PNPLA8: variants seen among roughly 807,000 people sequenced by gnomAD.
PNPLA8 encodes calcium-independent phospholipase A2-gamma.
Under a neutral mutation model 76.9 loss-of-function variants are expected in PNPLA8, and 39 were observed. The ratio of observed to expected loss-of-function variants is 0.51; its 90% CI spans 0.39 to 0.66. PNPLA8 has a LOEUF of 0.66. Among genes scored for constraint, PNPLA8 ranks in the 30% least tolerant of loss-of-function variants. The probability of loss-of-function intolerance (pLI) is 0.00; values close to 1 mark genes in which losing one functional copy is unlikely to be tolerated. For missense variants in PNPLA8, 887 were observed against 918.0 expected, an observed-to-expected ratio of 0.97 and a Z score of 0.44; for synonymous variants, 301 against 307.9, an observed-to-expected ratio of 0.98 and a Z score of 0.24.
intron 4 of PNPLA8, among the ~76,000 whole-genome samples, chr7:108,504,316 T>C (rs1598929177): frequency 6.6e-6 from 1 of 152,156 alleles, no homozygotes; most frequent in East Asian, 1.9e-4. Context: ...AGAATTGATG[T>C]TCATATTAGA....
chr7:108,471,994 T>G lies in PNPLA8; in HGVS notation c.*407A>C, dbSNP rs1200245284. On this transcript the variant is annotated 3_prime_UTR_variant, in exon 11 of 11. Coordinates refer to ENST00000257694, the MANE Select transcript of PNPLA8 (RefSeq NM_001256007.3). ...GTAAATTTAAGAAGAAATTAGCTTTTCCATATGAAATAAAATCAATGATCA... is the reference window on the plus strand; with the variant it reads ...GTAAATTTAAGAAGAAATTAGCTTTGCCATATGAAATAAAATCAATGATCA... The G allele has an allele frequency of 6.5e-6, 1 of 153,020 alleles. No individual in the cohort carries two copies. Among genetic ancestry groups the G allele is most frequent in the East Asian group, 1.9e-4 (1 of 5,220 alleles). The allele number at this position is 153,020 out of a possible 1,614,324, so 9.5% of individuals were successfully genotyped here. A position where few individuals can be genotyped will look rare whatever the true frequency, so the allele number is the denominator to read the frequency against.
intron 10 of PNPLA8, among the ~76,000 whole-genome samples, chr7:108,477,502 A>AT (rs1314585250): frequency 2.0e-5 from 3 of 152,126 alleles, no homozygotes; most frequent in Admixed American, 6.6e-5. Flanking sequence ...AGTGGTAATA[A>AT]TTTTTTTTAA....
chr7:108,523,540 T>C (rs40890), intron 1 of PNPLA8, among the ~76,000 whole-genome samples: 100,021 of 151,896 alleles, frequency 0.66, 33,738 homozygotes, highest in African/African-American at 0.82. Flanking sequence ...AAAATGTCTA[T>C]AAATGTAATC....
chr7:108,490,859 T>C (rs896000669), intron 8 of PNPLA8, among the ~76,000 whole-genome samples: 5 of 152,226 alleles, frequency 3.3e-5, no homozygotes, highest in African/African-American at 1.2e-4. Flanking sequence ...AAAATTATGA[T>C]GAAATAATTC....
In PNPLA8 at chr7:108,484,960, T is replaced by C. The variant is rs146885184; in HGVS notation, c.1878+2799A>G. On this transcript the variant is annotated intron_variant, in intron 9 of 10. Transcript: ENST00000257694. ...TGGTATAGGCATAATTTGGCAGGTGTTGGGGAGGCTCTTTCTGCTAAAAAC... is the reference window on the plus strand; with the variant it reads ...TGGTATAGGCATAATTTGGCAGGTGCTGGGGAGGCTCTTTCTGCTAAAAAC... Among the ~76,000 whole-genome samples the C allele has an allele frequency of 8.2e-3, 1,253 of 152,244 alleles. 4 individuals are homozygous for C. Among genetic ancestry groups the C allele is most frequent in the Non-Finnish European group, 0.012 (840 of 68,010 alleles).
intron 10 of PNPLA8, among the ~76,000 whole-genome samples, chr7:108,477,751 C>G (rs1243671641): frequency 6.6e-6 from 1 of 152,100 alleles, no homozygotes; most frequent in African/African-American, 2.4e-5. Flanking sequence ...GTAGTCCCAG[C>G]TACTCAGGAG....
chr7:108,486,056 A>G (rs1191776853), intron 9 of PNPLA8, among the ~76,000 whole-genome samples: 1 of 152,124 alleles, frequency 6.6e-6, no homozygotes, highest in African/African-American at 2.4e-5. Context: ...GAACAGAAAT[A>G]TCACTAATCT....
chr7:108,511,600 T>G lies in PNPLA8; in HGVS notation c.1206+2544A>C, dbSNP rs562019846. On this transcript the variant is annotated intron_variant, in intron 4 of 10. Transcript: ENST00000257694. ...TCTGCCTGTTAACCAGCCTAATGTC[T>G]TCAATTAAATCAGTTTTAAAGGTGC... 2.0e-5 allele frequency among the ~76,000 whole-genome samples: 3 copies of G among 152,298 alleles called. No homozygotes were observed. The South Asian group carries it at 6.2e-4, about 32-fold the overall frequency.
At chr7:108,478,259 G>T (rs1860139074) in intron 10 of PNPLA8, among the ~76,000 whole-genome samples, 1 of 152,146 alleles carries the variant, frequency 6.6e-6, no homozygotes, top group South Asian at 2.1e-4. Context: ...TACAGCAACT[G>T]CAGAGGCCCT....
chr7:108,519,361 T>A (rs1469869088), intron 2 of PNPLA8, among the ~76,000 whole-genome samples: 1 of 151,978 alleles, frequency 6.6e-6, no homozygotes, highest in Non-Finnish European at 1.5e-5. Flanking sequence ...AGAGACCCCA[T>A]CTCTAAAACA....
At chr7:108,505,039 C>G (rs1163388982) in intron 4 of PNPLA8, among the ~76,000 whole-genome samples, 2 of 151,846 alleles carry the variant, frequency 1.3e-5, no homozygotes. Flanking sequence ...TTGCACATTG[C>G]ACTCCAGCCT....
intron 4 of PNPLA8, among the ~76,000 whole-genome samples, chr7:108,511,348 G>A (rs2154516493): frequency 6.6e-6 from 1 of 152,240 alleles, no homozygotes; most frequent in Admixed American, 6.5e-5. Context: ...TAACACGGTG[G>A]TCATCCTTAG....
At chr7:108,514,404 A>T (rs1299813867) in intron 3 of PNPLA8, 32 bp downstream of exon 3, 1 of 1,569,822 alleles carries the variant, frequency 6.4e-7, no homozygotes, top group Non-Finnish European at 8.6e-7. Flanking sequence ...GACAAAAAGT[A>T]ATAGAACCGA....
rs986395187 is a variant in PNPLA8 at position 108,526,066 on chromosome 7, A to C, written c.-167T>G. On this transcript the variant is annotated 5_prime_UTR_variant, in exon 1 of 11. Coordinates refer to ENST00000257694, the MANE Select transcript of PNPLA8 (RefSeq NM_001256007.3). ...CGCAGTCACTAGGGCTGCAGCGGCG[A>C]CTCGCTCGTTCCCGGCAATGACGTC... The C allele has an allele frequency of 1.0e-6, 1 of 985,620 alleles. No individual in the cohort carries two copies. The highest frequency in any genetic ancestry group is 1.7e-5 in the African/African-American group (1 of 57,344). The allele number at this position is 985,620 out of a possible 1,614,324, so 61.1% of individuals were successfully genotyped here.
chr7:108,501,180 T>C (rs1861909979), intron 5 of PNPLA8, among the ~76,000 whole-genome samples: 1 of 152,152 alleles, frequency 6.6e-6, no homozygotes, highest in South Asian at 2.1e-4. Flanking sequence ...GCAGGGCATG[T>C]ACTATGAATT....
chr7:108,505,547 G>A (rs1862358952), intron 4 of PNPLA8, among the ~76,000 whole-genome samples: 1 of 150,192 alleles, frequency 6.7e-6, no homozygotes, highest in East Asian at 2.0e-4. Context: ...ATTTTTAGTA[G>A]AGACGAGGTT....
intron 1 of PNPLA8, among the ~76,000 whole-genome samples, chr7:108,521,828 AC>A (rs1350749972): frequency 1.3e-5 from 2 of 152,206 alleles, no homozygotes; most frequent in African/African-American, 4.8e-5. Flanking sequence ...GATGAACCAA[AC>A]CAAAAATAAA....
intron 4 of PNPLA8, chr7:108,510,363 C>T (rs1407447421): frequency 3.2e-6 from 5 of 1,565,906 alleles, no homozygotes; most frequent in Non-Finnish European, 4.3e-6. Context: ...CTTCGAAAGG[C>T]AAGGAGGAAG....
intron 8 of PNPLA8, among the ~76,000 whole-genome samples, chr7:108,488,213 TA>T (rs972444629): frequency 1.4e-4 from 21 of 152,102 alleles, no homozygotes; most frequent in Admixed American, 2.6e-4. Context: ...TCAATTTGAT[TA>T]AAAAAATATT....
Sources: allele counts gnomAD v4.1 joint callset (sites outside exome capture counted in the v4.1 genomes callset), GRCh38; gene constraint gnomAD v4.1.1; transcripts MANE v1.5; gene names NCBI Gene and HGNC (gene_info 2026-07-23, HGNC 2026-07-21).